PDE11A: variants seen among roughly 807,000 people sequenced by gnomAD.
The protein encoded by PDE11A is phosphodiesterase 11A.
PDE11A carries 100 observed loss-of-function variants against 100.5 expected under a neutral mutation model. The ratio of observed to expected loss-of-function variants is 1.00; its 90% CI spans 0.85 to 1.18. The LOEUF is 1.18. PDE11A is among the 50% of genes most tolerant of loss of function. PDE11A has a pLI of 0.00. For missense variants in PDE11A, 1,141 were observed against 1,152.6 expected, an observed-to-expected ratio of 0.99 and a Z score of 0.15; for synonymous variants, 381 against 420.8, an observed-to-expected ratio of 0.91 and a Z score of 1.16.
intron 15 of PDE11A, 113 bp downstream of exon 15, chr2:177,697,219 G>T (rs2886424): frequency 7.0e-6 from 5 of 712,218 alleles, no homozygotes; most frequent in Non-Finnish European, 1.3e-5. Context: ...AAGTTTAGCT[G>T]GTTTACACAT....
At chr2:177,692,183 C>T (rs2081049501) in intron 15 of PDE11A, among the ~76,000 whole-genome samples, 1 of 152,116 alleles carries the variant, frequency 6.6e-6, no homozygotes, top group Admixed American at 6.6e-5. Flanking sequence ...TAAGTAAGCA[C>T]TCAAAAAGTA....
Position 177,829,151 on chromosome 2 carries a change from G to A in PDE11A, c.1501-8856C>T, listed in dbSNP as rs548043905. Among the ~76,000 whole-genome samples, 3 of 152,180 alleles carry A rather than the reference G, an allele frequency of 2.0e-5. No homozygotes were observed. The South Asian group carries it at 6.3e-4, about 32-fold the overall frequency. On this transcript the variant is annotated intron_variant, in intron 6 of 19. Coordinates refer to ENST00000286063, the MANE Select transcript of PDE11A (RefSeq NM_016953.4). Reference sequence around the variant, plus strand: ...TTTGACATAAGCATCCTGAAGGATTGTGTTGCCTCAATAGAGATATGGAAA... The same window carrying A: ...TTTGACATAAGCATCCTGAAGGATTATGTTGCCTCAATAGAGATATGGAAA...
At chr2:177,922,524 G>T (rs1226595747) in intron 2 of PDE11A, among the ~76,000 whole-genome samples, 1 of 152,198 alleles carries the variant, frequency 6.6e-6, no homozygotes, top group African/African-American at 2.4e-5. Flanking sequence ...TCTCTTCCAA[G>T]AGGAGTATAT....
rs2080757144 is a variant in PDE11A at position 177,675,458 on chromosome 2, T to C, written c.2484A>G (p.Arg828=). The C allele has an allele frequency of 1.2e-6, 2 of 1,611,626 alleles. No individual in the cohort carries two copies. Among genetic ancestry groups the C allele is most frequent in the Non-Finnish European group, 1.7e-6 (2 of 1,177,884 alleles). Residue 828 remains arginine (R), a synonymous_variant, in exon 17 of 20, where the codon AGA becomes AGG. Transcript: ENST00000286063. ...CCTGCCATTAATCACCACTTGCCTG[T>C]CTGGAGATCTCCCACGGTTTGGTCA... ...GAVTKPWEIS[R]QVAELVTSEF...
At chr2:177,726,220 G>T (rs886564610) in intron 12 of PDE11A, among the ~76,000 whole-genome samples, 15 of 152,048 alleles carry the variant, frequency 9.9e-5, no homozygotes, top group African/African-American at 3.4e-4. Context: ...GTTTTCCCAG[G>T]CCAGTCTGCC....
intron 2 of PDE11A, among the ~76,000 whole-genome samples, chr2:178,000,990 G>A (rs993106136): frequency 3.3e-5 from 5 of 152,088 alleles, no homozygotes; most frequent in Admixed American, 1.3e-4. Flanking sequence ...ACAGACAGTT[G>A]CAGACAATTC....
chr2:177,854,150 G>A (rs1195550930), intron 5 of PDE11A, among the ~76,000 whole-genome samples: 1 of 151,636 alleles, frequency 6.6e-6, no homozygotes, highest in Non-Finnish European at 1.5e-5. Context: ...ACCTATATAG[G>A]CTACTTTATT....
intron 10 of PDE11A, among the ~76,000 whole-genome samples, chr2:177,747,251 C>T (rs893882169): frequency 1.3e-5 from 2 of 152,200 alleles, no homozygotes; most frequent in African/African-American, 2.4e-5. Context: ...TGCTTCATTG[C>T]TCCTGAAATA....
chr2:177,896,152 C>G (rs2084608537), intron 4 of PDE11A, among the ~76,000 whole-genome samples: 4 of 152,046 alleles, frequency 2.6e-5, no homozygotes, highest in African/African-American at 2.4e-5. Context: ...AGTAGAATAC[C>G]AGCCAGCGCT....
chr2:178,107,815 G>T (rs1330256032), intron 1 of PDE11A, among the ~76,000 whole-genome samples: 1 of 147,130 alleles, frequency 6.8e-6, no homozygotes, highest in Non-Finnish European at 1.5e-5. Context: ...TCCGCTTCCC[G>T]GGTTCAAGTG....
intron 10 of PDE11A, among the ~76,000 whole-genome samples, chr2:177,742,039 G>GAAAA (rs71410757): frequency 7.2e-6 from 1 of 138,272 alleles, no homozygotes; most frequent in African/African-American, 2.7e-5. Flanking sequence ...TGTCTCTTAA[G>GAAAA]AAAAAAAAAA....
intron 1 of PDE11A, chr2:178,105,664 G>A: frequency 2.8e-6 from 2 of 720,276 alleles, no homozygotes; most frequent in Non-Finnish European, 4.2e-6. Context: ...CTCCATGGTG[G>A]TACAGGATGG....
intron 1 of PDE11A, among the ~76,000 whole-genome samples, chr2:178,028,340 C>G (rs1396958262): frequency 6.7e-6 from 1 of 150,352 alleles, no homozygotes; most frequent in Non-Finnish European, 1.5e-5. Flanking sequence ...ATCTCTTGCC[C>G]TATAATATGA....
chr2:177,808,028 G>C (rs1273118972), intron 9 of PDE11A, among the ~76,000 whole-genome samples: 1 of 152,080 alleles, frequency 6.6e-6, no homozygotes, highest in Admixed American at 6.6e-5. Context: ...AATACTTTAA[G>C]GAAATGGAGA....
At chr2:177,833,446 C>T (rs376564646) in intron 6 of PDE11A, among the ~76,000 whole-genome samples, 2 of 152,310 alleles carry the variant, frequency 1.3e-5, no homozygotes, top group African/African-American at 4.8e-5. Flanking sequence ...GTTGCCTAGG[C>T]AGACCCTCAG....
intron 1 of PDE11A, among the ~76,000 whole-genome samples, chr2:178,038,485 T>A (rs2105846922): frequency 6.6e-6 from 1 of 151,032 alleles, no homozygotes; most frequent in East Asian, 1.9e-4. Flanking sequence ...ATATAACCAA[T>A]AAGGAAGGTG....
At chr2:177,722,169 C>T (rs1169813390) in intron 12 of PDE11A, among the ~76,000 whole-genome samples, 1 of 152,176 alleles carries the variant, frequency 6.6e-6, no homozygotes, top group African/African-American at 2.4e-5. Flanking sequence ...TAGGCAGCCC[C>T]AGCCTCGAAA....
At chr2:177,689,661 T>C (rs2081014402) in intron 15 of PDE11A, among the ~76,000 whole-genome samples, 1 of 152,192 alleles carries the variant, frequency 6.6e-6, no homozygotes, top group Non-Finnish European at 1.5e-5. Flanking sequence ...AAGTGAACTT[T>C]CTCCCTGCTT....
chr2:177,913,563 T>C (rs932711671), intron 2 of PDE11A, among the ~76,000 whole-genome samples: 2 of 152,200 alleles, frequency 1.3e-5, no homozygotes, highest in Non-Finnish European at 2.9e-5. Flanking sequence ...CTAGCATTTG[T>C]AGTGTGTTCT....
Sources: allele counts gnomAD v4.1 joint callset (sites outside exome capture counted in the v4.1 genomes callset), GRCh38; gene constraint gnomAD v4.1.1; transcripts MANE v1.5; gene names NCBI Gene and HGNC (gene_info 2026-07-23, HGNC 2026-07-21).